Variants in NOTCH4 observed in about 807,000 individuals in gnomAD.
NOTCH4 encodes the protein notch receptor 4.
A neutral mutation model predicts 189.0 loss-of-function variants in NOTCH4; 138 were observed. The observed-to-expected ratio is 0.73, with a 90% CI of 0.64 to 0.84. NOTCH4 has a LOEUF of 0.84. NOTCH4 is among the 40% of genes least tolerant of loss of function. NOTCH4 has a pLI of 0.00. For synonymous variants in NOTCH4, 942 were observed against 1,032.8 expected, an observed-to-expected ratio of 0.91 and a Z score of 1.69; for missense variants, 2,286 against 2,605.4, an observed-to-expected ratio of 0.88 and a Z score of 2.67.
rs1408250804 is a variant in NOTCH4, at chr6:32,221,664, C to T, written c.452-339G>A. Among the ~76,000 whole-genome samples, 6 of 152,184 alleles carry T rather than the reference C, an allele frequency of 3.9e-5. No individual in the cohort carries two copies. The highest frequency in any genetic ancestry group is 1.4e-4 in the African/African-American group (6 of 41,434). On this transcript the variant is annotated intron_variant, in intron 3 of 29. Transcript: ENST00000375023. The surrounding 1 kb of genome is among the most constrained non-coding windows in gnomAD (Gnocchi z 4.3). The stretch of plus-strand genomic sequence containing the variant: ...CAGGTGGCACCATGCTGTGCCACAA[C>T]TGGTTGTATACCCTTGGGTGAGCCA...
At position 32,212,941 on chromosome 6, in the gene NOTCH4, G is replaced by A. The variant is rs1789121130; in HGVS notation, c.2439-30C>T. 1.9e-6 allele frequency: 3 copies of A among 1,546,700 alleles called. No individual in the cohort carries two copies. The highest frequency in any genetic ancestry group is 2.4e-5 in the South Asian group (2 of 84,342). On this transcript the variant is annotated intron_variant, in intron 15 of 29. Transcript: ENST00000375023. The surrounding 1 kb of genome is among the most constrained non-coding windows in gnomAD (Gnocchi z 4.4). ...ACAAGACAGAGACAGGGCATGATAGGAAGAAGTTCGGGCAACAAGGGGAAG... is the reference window on the plus strand; with the variant it reads ...ACAAGACAGAGACAGGGCATGATAGAAAGAAGTTCGGGCAACAAGGGGAAG...
intron 1 of NOTCH4, 50 bp from the exon 2 acceptor site, chr6:32,223,136 A>G: frequency 1.4e-6 from 2 of 1,408,888 alleles, no homozygotes; most frequent in Non-Finnish European, 2.0e-6. Context: ...CTGTGCCTCC[A>G]CCTTTCCTCT....
intron 11 of NOTCH4, among the ~76,000 whole-genome samples, chr6:32,215,690 A>T (rs1180376365): frequency 6.6e-6 from 1 of 152,190 alleles, no homozygotes; most frequent in Non-Finnish European, 1.5e-5. Flanking sequence ...CTTTTCTTCC[A>T]TCTGTGTCTT....
rs550642227 is a variant in NOTCH4, at chr6:32,214,616, G to A, written c.2022-361C>T. On this transcript the variant is annotated intron_variant, in intron 12 of 29. Transcript: ENST00000375023. ...GGGCCTGGAACAGTAGCCACACAAA[G>A]TAGGTGCTCAGCAGATTTTTTTTTT... is the stretch of plus-strand genomic sequence containing the variant. 4.8e-4 allele frequency among the ~76,000 whole-genome samples: 70 copies of A among 146,478 alleles called. No individual in the cohort carries two copies. In the South Asian group the frequency reaches 5.8e-3, roughly 12 times the overall value.
Position 32,212,688 on chromosome 6 carries a change from T to C in NOTCH4, c.2527-61A>G. ...CATCAGATTCTCAGCCCAGAGATGG[T>C]CCTCTGCCCACTCCAGCTCCTCGAA... On this transcript the variant is annotated intron_variant, in intron 16 of 29. Coordinates refer to ENST00000375023, the MANE Select transcript of NOTCH4 (RefSeq NM_004557.4). This position sits in a 1 kb window ranked among gnomAD's most constrained non-coding sequence, Gnocchi z 4.4. 2 of 1,548,810 alleles carry C rather than the reference T, an allele frequency of 1.3e-6. No individual in the cohort carries two copies. The highest frequency in any genetic ancestry group is 2.4e-5 in the South Asian group (2 of 81,860).
Position 32,202,377 on chromosome 6 carries a change from AGCCCGTGGTCTC to A in NOTCH4, c.3442_3453del (p.Glu1148_Gly1151del). ...GAGCATCGAAAGCCTGGGCCCCCCA[AGCCCGTGGTCTC>A]TGAGCAGCTGCCATTGTATAGGCAT... On this transcript the variant is annotated inframe_deletion, in exon 21 of 30. Transcript: ENST00000375023. The surrounding 1 kb of genome is among the most constrained non-coding windows in gnomAD (Gnocchi z 5.7). 6.2e-7 allele frequency: 1 copy of A among 1,612,782 alleles called. No individual in the cohort carries two copies. Among genetic ancestry groups the A allele is most frequent in the Non-Finnish European group, 8.5e-7 (1 of 1,179,966 alleles).
chr6:32,220,757 T>G lies in NOTCH4; in HGVS notation c.921A>C (p.Thr307=). ...ATGGATGTGGCTTAAACAACTCACC[T>G]GTCCAGGTTTCTGGGCAGAGGCAGG... ...TYTCLCPETW[T]GWDCSEDVDE... Residue 307 remains threonine (T), a splice_region_variant and synonymous_variant, in exon 5 of 30, where the codon ACA becomes ACC. Coordinates refer to ENST00000375023, the MANE Select transcript of NOTCH4 (RefSeq NM_004557.4). The G allele has an allele frequency of 6.2e-7, 1 of 1,614,082 alleles. No individual in the cohort carries two copies. Among genetic ancestry groups the G allele is most frequent in the Non-Finnish European group, 8.5e-7 (1 of 1,179,958 alleles).
At position 32,212,926 on chromosome 6, in the gene NOTCH4, G is replaced by T; in HGVS notation, c.2439-15C>A. 1 of 1,561,616 alleles carries T rather than the reference G, an allele frequency of 6.4e-7. No individual in the cohort carries two copies. On this transcript the variant is annotated splice_polypyrimidine_tract_variant and intron_variant, in intron 15 of 29. Coordinates refer to ENST00000375023, the MANE Select transcript of NOTCH4 (RefSeq NM_004557.4). This position sits in a 1 kb window ranked among gnomAD's most constrained non-coding sequence, Gnocchi z 4.4. ...TCCTACAGGGGCTGAACAAGACAGA[G>T]ACAGGGCATGATAGGAAGAAGTTCG...
intron 13 of NOTCH4, 120 bp from the exon 14 acceptor site, chr6:32,213,960 C>G: frequency 7.0e-7 from 1 of 1,437,808 alleles, no homozygotes; most frequent in Non-Finnish European, 9.6e-7. Context: ...CATCAACCTC[C>G]GTTCTCACCA....
At position 32,207,991 on chromosome 6, in the gene NOTCH4, A is replaced by G. The variant is rs1359542046; in HGVS notation, c.2865+2761T>C. ...TGCACTCCAGCCCAGGCGACGGTGC[A>G]AGACTCCTTCTCAAAAAAAAAAAAA... On this transcript the variant is annotated intron_variant, in intron 18 of 29. Transcript: ENST00000375023. Among the ~76,000 whole-genome samples the G allele has an allele frequency of 5.3e-5, 7 of 132,470 alleles. 1 individual carries two copies. The Admixed American group carries it at 5.5e-4, about 10-fold the overall frequency. The allele number at this position is 132,470 out of a possible 152,430, so 86.9% of individuals were successfully genotyped here.
At chr6:32,220,939 A>G (rs768222435) in intron 4 of NOTCH4, 39 bp downstream of exon 4, 1 of 1,595,384 alleles carries the variant, frequency 6.3e-7, no homozygotes, top group Non-Finnish European at 8.6e-7. Flanking sequence ...TGCCCTGCCC[A>G]GAGAGAGGGG....
chr6:32,223,828 C>T, intron 1 of NOTCH4, 28 bp downstream of exon 1: 1 of 1,599,056 alleles, frequency 6.3e-7, no homozygotes, highest in Non-Finnish European at 8.5e-7. Context: ...GAGCTGGGTC[C>T]CCTCACCTCA....
At chr6:32,222,382 A>C in intron 3 of NOTCH4, 129 bp downstream of exon 3, 1 of 755,912 alleles carries the variant, frequency 1.3e-6, no homozygotes, top group Non-Finnish European at 2.0e-6. Flanking sequence ...AAGAATTGGC[A>C]TGTTGATTCT....
In NOTCH4 at chr6:32,210,910, T is replaced by C. The variant is rs1290953708; in HGVS notation, c.2707A>G (p.Asn903Asp). ...QGIDVSSLCH[N>D]GGLCVDSGPS... ...CCGCTGTCGACACAGAGGCCTCCAT[T>C]GTGGCAAAGGGAAGAGACGTCTATG... The change falls in exon 18 of 30, where the codon AAT becomes GAT. Residue 903 changes from asparagine (N) to aspartate (D), a missense_variant. Transcript: ENST00000375023. This position sits in a 1 kb window ranked among gnomAD's most constrained non-coding sequence, Gnocchi z 4.8. 6.2e-7 allele frequency: 1 copy of C among 1,604,938 alleles called. No individual in the cohort carries two copies. The highest frequency in any genetic ancestry group is 8.5e-7 in the Non-Finnish European group (1 of 1,176,300).
At position 32,215,291 on chromosome 6, in the gene NOTCH4, A is replaced by AG. The variant is rs780201189; in HGVS notation, c.1955dup (p.Asp653Ter). On this transcript the variant is annotated frameshift_variant, in exon 12 of 30. Transcript: ENST00000375023. LOFTEE classifies it high-confidence loss of function. ...GTGGGGCACAGCCAGGGCTTCCATC[A>AG]GGACAGAGGCAGTTGGCCTTGTCTT... 6.2e-7 allele frequency: 1 copy of AG among 1,607,538 alleles called. No individual in the cohort carries two copies. The highest frequency in any genetic ancestry group is 8.5e-7 in the Non-Finnish European group (1 of 1,178,078).
rs894590090 is a variant in NOTCH4 at position 32,222,778 on chromosome 6, A to T, written c.184T>A (p.Cys62Ser). 3 of 1,611,260 alleles carry T rather than the reference A, an allele frequency of 1.9e-6. No homozygotes were observed. Among genetic ancestry groups the T allele is most frequent in the Non-Finnish European group, 1.7e-6 (2 of 1,179,042 alleles). ...TTCTGGCAGGGGTCAGGAAACTGGC[A>T]CGTCTCACCCAGGAAGCCAGGGGCA... Reference protein sequence around the residue: ...QCAPGFLGETCQFPDPCQNAQ... With the variant: ...QCAPGFLGETSQFPDPCQNAQ... Residue 62 changes from cysteine to serine, a missense_variant, in exon 3 of 30, where the codon TGC (cysteine) becomes AGC (serine). Physicochemically the swap from Cys to Ser is moderately radical, Grantham distance 112 (BLOSUM62 -1). This residue lies in a region of NOTCH4 where 1,903 missense variants were observed against 2,261.9 expected (regional missense o/e 0.84). Transcript: ENST00000375023.
At chr6:32,222,470 C>G in intron 3 of NOTCH4, 41 bp downstream of exon 3, 1 of 1,481,446 alleles carries the variant, frequency 6.8e-7, no homozygotes. Flanking sequence ...TAGCCCATTG[C>G]TCCTGCCTGT....
Position 32,221,188 on chromosome 6 carries a change from C to T in NOTCH4, c.589G>A (p.Glu197Lys), listed in dbSNP as rs1315657610. 1.5e-5 allele frequency: 25 copies of T among 1,612,968 alleles called. No individual in the cohort carries two copies. The Middle Eastern group carries it at 6.6e-4, about 42-fold the overall frequency. ...EGHACERDVN[E>K]CFQDPGPCPK... ...CAGGGTCCTGGGTCCTGGAAGCACT[C>T]GTTGACATCACGTTCACAGGCATGG... The change falls in exon 4 of 30, where the codon GAG becomes AAG. Residue 197 changes from glutamate to lysine, a missense_variant. Physicochemically the swap from Glu to Lys is moderately conservative, Grantham distance 56. This residue lies in a region of NOTCH4 where 1,903 missense variants were observed against 2,261.9 expected (regional missense o/e 0.84). Transcript: ENST00000375023. The surrounding 1 kb of genome is among the most constrained non-coding windows in gnomAD (Gnocchi z 4.3).
At chr6:32,196,782 G>T in intron 28 of NOTCH4, 143 bp downstream of exon 28, 1 of 1,106,262 alleles carries the variant, frequency 9.0e-7, no homozygotes, top group Non-Finnish European at 1.3e-6. Flanking sequence ...CACGCGGCCC[G>T]TACTTCCACC....
Sources: gnomAD v4.1 joint callset for allele counts (sites outside exome capture counted in the v4.1 genomes callset) on GRCh38, gnomAD v4.1.1 for gene constraint, gnomAD v4.1.1 regional missense constraint, Gnocchi (gnomAD v3.1) non-coding constraint, MANE v1.5 for transcripts, NCBI Gene and HGNC (gene_info 2026-07-23, HGNC 2026-07-21) for gene names.